GRB14: variants seen among roughly 807,000 people sequenced by gnomAD.
GRB14 encodes the protein growth factor receptor bound protein 14, also known as growth factor receptor-bound protein 14.
GRB14 carries 38 observed loss-of-function variants against 69.1 expected under a neutral mutation model. That is an observed-to-expected ratio of 0.55 (90% CI 0.42 to 0.72). GRB14 has a LOEUF of 0.72. Among genes scored for constraint, GRB14 ranks in the 30% least tolerant of loss-of-function variants. The probability of loss-of-function intolerance (pLI) is 0.00; values close to 1 mark genes in which losing one functional copy is unlikely to be tolerated. For missense variants in GRB14, 666 were observed against 666.1 expected (o/e 1.00, Z 0.00); for synonymous variants, 247 against 241.3 (o/e 1.02, Z -0.22).
At chr2:164,541,722 A>AAC (rs947114571) in intron 3 of GRB14, among the ~76,000 whole-genome samples, 17 of 152,064 alleles carry the variant, frequency 1.1e-4, no homozygotes, top group South Asian at 6.2e-4. Flanking sequence ...CAATTCAAGA[A>AAC]ACACACACAC....
chr2:164,551,786 T>A (rs1054593455), intron 2 of GRB14, among the ~76,000 whole-genome samples: 1 of 152,218 alleles, frequency 6.6e-6, no homozygotes, highest in Non-Finnish European at 1.5e-5. Flanking sequence ...TCTCATTTTG[T>A]AACTTTTTGT....
At chr2:164,517,848 A>C (rs1316288421) in intron 6 of GRB14, among the ~76,000 whole-genome samples, 1 of 152,082 alleles carries the variant, frequency 6.6e-6, no homozygotes, top group Non-Finnish European at 1.5e-5. Context: ...ACCTAATCCT[A>C]AGGCACCCAA....
chr2:164,508,861 A>G lies in GRB14; in HGVS notation c.817-9T>C. On this transcript the variant is annotated splice_polypyrimidine_tract_variant and intron_variant, in intron 6 of 13. Coordinates refer to ENST00000263915, the MANE Select transcript of GRB14 (RefSeq NM_004490.3). ...TGCAAATGCCGCGGTTCCTTAAAAA[A>G]AAAAGTATTGACATGGATACATATT... 6.4e-7 allele frequency: 1 copy of G among 1,556,518 alleles called. No homozygotes were observed. Among genetic ancestry groups the G allele is most frequent in the Non-Finnish European group, 8.7e-7 (1 of 1,152,454 alleles).
chr2:164,610,161 C>T (rs916949489), intron 2 of GRB14, among the ~76,000 whole-genome samples: 2 of 152,144 alleles, frequency 1.3e-5, no homozygotes, highest in Admixed American at 1.3e-4. Flanking sequence ...ATATGTCTCC[C>T]CACTTCCATC....
chr2:164,542,445 A>T (rs1353763114), intron 3 of GRB14, among the ~76,000 whole-genome samples: 1 of 152,250 alleles, frequency 6.6e-6, no homozygotes, highest in Non-Finnish European at 1.5e-5. Context: ...AAAGGAAACT[A>T]TCAACAGATT....
intron 2 of GRB14, among the ~76,000 whole-genome samples, chr2:164,563,488 G>C (rs1688887357): frequency 6.6e-6 from 1 of 152,082 alleles, no homozygotes; most frequent in African/African-American, 2.4e-5. Flanking sequence ...CTCCACAATG[G>C]CACGTTAACT....
intron 2 of GRB14, among the ~76,000 whole-genome samples, chr2:164,576,427 C>T (rs1357456374): frequency 6.6e-6 from 1 of 151,682 alleles, no homozygotes; most frequent in African/African-American, 2.4e-5. Flanking sequence ...AACTTGATCA[C>T]ATTGGACATC....
intron 9 of GRB14, among the ~76,000 whole-genome samples, chr2:164,497,911 C>T (rs1228711750): frequency 4.6e-5 from 7 of 152,002 alleles, no homozygotes; most frequent in Admixed American, 1.3e-4. Context: ...CTTTGAGATC[C>T]GTCAGTCATC....
At chr2:164,612,249 G>A (rs1039330519) in intron 2 of GRB14, among the ~76,000 whole-genome samples, 3 of 152,144 alleles carry the variant, frequency 2.0e-5, no homozygotes, top group East Asian at 1.9e-4. Context: ...GTAACAATAC[G>A]TCTATGGAAA....
chr2:164,509,898 G>A (rs1363995622), intron 6 of GRB14, among the ~76,000 whole-genome samples: 1 of 151,898 alleles, frequency 6.6e-6, no homozygotes, highest in Non-Finnish European at 1.5e-5. Context: ...TCATTTACCG[G>A]TGTTATTCCA....
intron 6 of GRB14, among the ~76,000 whole-genome samples, chr2:164,516,083 C>T (rs939830264): frequency 2.0e-5 from 3 of 151,484 alleles, no homozygotes; most frequent in Non-Finnish European, 4.4e-5. Context: ...AATGACCAAA[C>T]CTAAGAAGAA....
intron 5 of GRB14, among the ~76,000 whole-genome samples, chr2:164,524,444 T>C (rs1347868598): frequency 6.6e-6 from 1 of 152,068 alleles, no homozygotes; most frequent in Non-Finnish European, 1.5e-5. Flanking sequence ...GACACAAAAA[T>C]AAGGAGATTT....
At chr2:164,612,194 C>T (rs1448911920) in intron 2 of GRB14, among the ~76,000 whole-genome samples, 1 of 152,132 alleles carries the variant, frequency 6.6e-6, no homozygotes, top group Non-Finnish European at 1.5e-5. Flanking sequence ...ACTTTGGAGC[C>T]ATTATGGATT....
intron 2 of GRB14, among the ~76,000 whole-genome samples, chr2:164,553,187 G>A (rs1378608156): frequency 6.6e-6 from 1 of 152,096 alleles, no homozygotes; most frequent in Non-Finnish European, 1.5e-5. Context: ...ACATTCTGAA[G>A]GCTAAACCAA....
intron 2 of GRB14, among the ~76,000 whole-genome samples, chr2:164,570,031 T>C (rs181181061): frequency 1.1e-3 from 172 of 152,266 alleles, no homozygotes; most frequent in African/African-American, 3.9e-3. Flanking sequence ...CTTATCTGTC[T>C]TCTTTTCTCA....
rs755561180 is a variant in GRB14 at position 164,497,050 on chromosome 2, T to A, written c.1340A>T (p.Asp447Val). 2 of 1,613,876 alleles carry A rather than the reference T, an allele frequency of 1.2e-6. No homozygotes were observed. The highest frequency in any genetic ancestry group is 3.3e-5 in the Admixed American group (2 of 59,986). Residue 447 changes from aspartate to valine, a missense_variant, in exon 12 of 14, where the codon GAT becomes GTT. Coordinates refer to ENST00000263915, the MANE Select transcript of GRB14 (RefSeq NM_004490.3). ...CTGAATAATCAATCGCTGAGCCTCATCTCTAGAAATTTTGTGGTGAAACCA... is the reference window on the plus strand; with the variant it reads ...CTGAATAATCAATCGCTGAGCCTCAACTCTAGAAATTTTGTGGTGAAACCA... ...QPWFHHKISR[D>V]EAQRLIIQQG...
intron 2 of GRB14, among the ~76,000 whole-genome samples, chr2:164,611,281 C>A (rs1247864861): frequency 6.6e-6 from 1 of 152,040 alleles, no homozygotes; most frequent in East Asian, 1.9e-4. Flanking sequence ...TAGAATGAAC[C>A]AAGATAAGCT....
chr2:164,621,451 C>T lies in GRB14; in HGVS notation c.-142G>A. 2.8e-6 allele frequency: 1 copy of T among 355,830 alleles called. No homozygotes were observed. Among genetic ancestry groups the T allele is most frequent in the Non-Finnish European group, 3.9e-6 (1 of 253,700 alleles). 22.0% of individuals were successfully genotyped at this position (355,830 alleles called of 1,614,324 possible). ...GCCTCGCCGCCTGCGCTCGGGGCCC[C>T]GGCGGCTGAGACGCGCGGCCGAGCT... On this transcript the variant is annotated 5_prime_UTR_variant, in exon 1 of 14. Coordinates refer to ENST00000263915, the MANE Select transcript of GRB14 (RefSeq NM_004490.3). This position sits in a 1 kb window ranked among gnomAD's most constrained non-coding sequence, Gnocchi z 6.0.
In GRB14 at chr2:164,594,897, G is replaced by A. The variant is rs1401319272; in HGVS notation, c.324+24790C>T. On this transcript the variant is annotated intron_variant, in intron 2 of 13. Transcript: ENST00000263915. ...TAGTTCTTCAAGGTCAGACTTTACA[G>A]TAAACATCAAAGTCTGTTTCTGCCA... Among the ~76,000 whole-genome samples, 3 of 152,290 alleles carry A rather than the reference G, an allele frequency of 2.0e-5. No individual in the cohort carries two copies. In the East Asian group the frequency reaches 5.8e-4, roughly 29 times the overall value.
Sources: gnomAD v4.1 joint callset for allele counts (sites outside exome capture counted in the v4.1 genomes callset) on GRCh38, gnomAD v4.1.1 for gene constraint, Gnocchi (gnomAD v3.1) non-coding constraint, MANE v1.5 for transcripts, NCBI Gene and HGNC (gene_info 2026-07-23, HGNC 2026-07-21) for gene names.